ECEL1: variants seen among roughly 807,000 people sequenced by gnomAD.
ECEL1 encodes endothelin converting enzyme like 1.
A neutral mutation model predicts 101.8 loss-of-function variants in ECEL1; 87 were observed. The ratio of observed to expected loss-of-function variants is 0.85; its 90% CI spans 0.72 to 1.02. ECEL1 has a LOEUF of 1.02. ECEL1 is among the 50% of genes least tolerant of loss of function. ECEL1 has a pLI of 0.00. For missense variants in ECEL1, 1,032 were observed against 1,079.2 expected (o/e 0.96, Z 0.61); for synonymous variants, 487 against 468.7 (o/e 1.04, Z -0.50).
rs368507400 is a variant in ECEL1 at position 232,481,838 on chromosome 2, T to C, written c.1808A>G (p.Tyr603Cys). ...TCCAATGATGGTGCCGATGCCCCCGTAGTTGAGAGACCTGGGCCCACAGCA... is the reference window on the plus strand; with the variant it reads ...TCCAATGATGGTGCCGATGCCCCCGCAGTTGAGAGACCTGGGCCCACAGCA... ...YDPDFPQSLN[Y>C]GGIGTIIGHE... The change falls in exon 13 of 18, where the codon TAC becomes TGC. Residue 603 changes from tyrosine to cysteine, a missense_variant. Tyr to Cys is a radical substitution (Grantham distance 194). Coordinates refer to ENST00000304546, the MANE Select transcript of ECEL1 (RefSeq NM_004826.4). The C allele has an allele frequency of 1.2e-6, 2 of 1,613,736 alleles. No homozygotes were observed. Among genetic ancestry groups the C allele is most frequent in the African/African-American group, 2.7e-5 (2 of 74,918 alleles).
Position 232,480,082 on chromosome 2 carries a change from T to A in ECEL1, c.*71A>T. The A allele has an allele frequency of 6.7e-7, 1 of 1,483,584 alleles. No homozygotes were observed. The highest frequency in any genetic ancestry group is 9.3e-7 in the Non-Finnish European group (1 of 1,072,172). The allele number at this position is 1,483,584 out of a possible 1,614,324, so 91.9% of individuals were successfully genotyped here. Reference sequence around the variant, plus strand: ...CAGAGCGGGGCTGGCACCGGGTGCATGCCTGCCCCGGTAGCCAGCAGGAGG... The same window carrying A: ...CAGAGCGGGGCTGGCACCGGGTGCAAGCCTGCCCCGGTAGCCAGCAGGAGG... On this transcript the variant is annotated 3_prime_UTR_variant, in exon 18 of 18. Transcript: ENST00000304546.
At chr2:232,481,880 G>C (rs367604672) in intron 12 of ECEL1, 31 bp from the exon 13 acceptor site, 7 of 1,612,754 alleles carry the variant, frequency 4.3e-6, no homozygotes, top group African/African-American at 1.3e-5. Flanking sequence ...TCAGGCCCTA[G>C]CCCTCCACCC....
rs745360606 is a variant in ECEL1, at chr2:232,481,789, G to A, written c.1857C>T (p.Asp619=). ...IIGHELTHGY[D]DWGGQYDRSG... is the part of the protein sequence containing the mutation. Reference sequence around the variant, plus strand: ...GGCCCCAACAGGCCTCACCCCAGTCGTCGTAGCCGTGGGTCAGCTCATGTC... The same window carrying A: ...GGCCCCAACAGGCCTCACCCCAGTCATCGTAGCCGTGGGTCAGCTCATGTC... Residue 619 remains aspartate, a synonymous_variant, in exon 13 of 18, where the codon GAC becomes GAT. Transcript: ENST00000304546. 8.1e-6 allele frequency: 13 copies of A among 1,613,728 alleles called. No homozygotes were observed. In the East Asian group the frequency reaches 8.9e-5, roughly 11 times the overall value.
chr2:232,485,546 G>C (rs755530212), intron 2 of ECEL1, among the ~76,000 whole-genome samples: 4 of 152,192 alleles, frequency 2.6e-5, no homozygotes, highest in Admixed American at 6.5e-5. Flanking sequence ...GGGACCCCTA[G>C]CTTTGGGGCC....
rs750242008 is a variant in ECEL1 at position 232,484,457 on chromosome 2, G to C, written c.1184+15C>G. The C allele has an allele frequency of 2.5e-6, 4 of 1,612,682 alleles. No individual in the cohort carries two copies. The highest frequency in any genetic ancestry group is 3.4e-6 in the Non-Finnish European group (4 of 1,179,168). ...AGTGACCGCTGGGCAGAAAATGCCAGATCTGCAGCCATACCGGTGGGGTGT... is the reference window on the plus strand; with the variant it reads ...AGTGACCGCTGGGCAGAAAATGCCACATCTGCAGCCATACCGGTGGGGTGT... On this transcript the variant is annotated intron_variant, in intron 6 of 17. Coordinates refer to ENST00000304546, the MANE Select transcript of ECEL1 (RefSeq NM_004826.4).
At chr2:232,484,337 C>T in intron 6 of ECEL1, 114 bp from the exon 7 acceptor site, 1 of 1,561,088 alleles carries the variant, frequency 6.4e-7, no homozygotes, top group Non-Finnish European at 8.7e-7. Context: ...CCCAGACAGC[C>T]CCACAAAGAA....
chr2:232,484,209 T>G lies in ECEL1; in HGVS notation c.1199A>C (p.Tyr400Ser). ...RSTPHRVLHN[Y>S]LVWRVVVVLS... ...GACCACCACCACGCGCCACACCAGGTAGTTGTGCAGGACCCTGGGGACCAG... is the reference window on the plus strand; with the variant it reads ...GACCACCACCACGCGCCACACCAGGGAGTTGTGCAGGACCCTGGGGACCAG... Residue 400 changes from tyrosine (Y) to serine (S), a missense_variant, in exon 7 of 18, where the codon TAC becomes TCC. By Grantham distance (144) the Tyr-to-Ser change is moderately radical. Coordinates refer to ENST00000304546, the MANE Select transcript of ECEL1 (RefSeq NM_004826.4). The G allele has an allele frequency of 6.2e-7, 1 of 1,611,840 alleles. No individual in the cohort carries two copies.
chr2:232,480,077 G>T lies in ECEL1; in HGVS notation c.*76C>A, dbSNP rs535541852. The T allele has an allele frequency of 2.0e-6, 3 of 1,464,736 alleles. No homozygotes were observed. The highest frequency in any genetic ancestry group is 2.8e-6 in the Non-Finnish European group (3 of 1,056,440). 90.7% of individuals were successfully genotyped at this position (1,464,736 alleles called of 1,614,324 possible). ...GTGCCCAGAGCGGGGCTGGCACCGG[G>T]TGCATGCCTGCCCCGGTAGCCAGCA... is the stretch of plus-strand genomic sequence containing the variant. On this transcript the variant is annotated 3_prime_UTR_variant, in exon 18 of 18. Transcript: ENST00000304546.
intron 7 of ECEL1, 148 bp from the exon 8 acceptor site, chr2:232,483,662 C>T: frequency 1.4e-6 from 1 of 700,322 alleles, no homozygotes; most frequent in Non-Finnish European, 2.3e-6. Context: ...AGGTGAGGAT[C>T]CAGGCCCTGC....
In ECEL1 at chr2:232,480,726, A is replaced by G. The variant is rs764189195; in HGVS notation, c.2143T>C (p.Phe715Leu). The change falls in exon 16 of 18, where the codon TTT becomes CTT. Residue 715 changes from phenylalanine to leucine, a missense_variant. Phe to Leu is a conservative substitution (Grantham distance 22). Coordinates refer to ENST00000304546, the MANE Select transcript of ECEL1 (RefSeq NM_004826.4). ...YTHDQLFFIAFAQNWCIKRRS... is the reference protein window; with the variant it reads ...YTHDQLFFIALAQNWCIKRRS... ...TCCCCCACCCAGCCCACCTGGGCAA[A>G]GGCAATGAAGAAGAGCTGGTCATGT... is the stretch of plus-strand genomic sequence containing the variant. 1 of 1,614,084 alleles carries G rather than the reference A, an allele frequency of 6.2e-7. No individual in the cohort carries two copies. Among genetic ancestry groups the G allele is most frequent in the Admixed American group, 1.7e-5 (1 of 60,020 alleles).
At position 232,486,394 on chromosome 2, in the gene ECEL1, G is replaced by A. The variant is rs1298500213; in HGVS notation, c.260C>T (p.Pro87Leu). 2.0e-6 allele frequency: 3 copies of A among 1,478,262 alleles called. No individual in the cohort carries two copies. Among genetic ancestry groups the A allele is most frequent in the South Asian group, 2.6e-5 (2 of 76,364 alleles). The allele number at this position is 1,478,262 out of a possible 1,614,324, so 91.6% of individuals were successfully genotyped here. Residue 87 changes from proline (P) to leucine (L), a missense_variant, in exon 2 of 18, where the codon CCG (proline) becomes CTG (leucine). Transcript: ENST00000304546. ...AAMLALKYLG[P>L]VAAGGGACPE... ...ACAGGCGCCGCCGCCGGCCGCGACC[G>A]GGCCCAGGTACTTGAGGGCCAGCAT...
rs1173849911 is a variant in ECEL1, at chr2:232,486,786, C to T, written c.-101-32G>A. Reference sequence around the variant, plus strand: ...GAAGGGCGGAAGCAGGCTCAGGAGGCGCCGCAGCCGGATGGGGCTCAGGGT... The same window carrying T: ...GAAGGGCGGAAGCAGGCTCAGGAGGTGCCGCAGCCGGATGGGGCTCAGGGT... On this transcript the variant is annotated intron_variant, in intron 1 of 17. Coordinates refer to ENST00000304546, the MANE Select transcript of ECEL1 (RefSeq NM_004826.4). 11 of 1,021,490 alleles carry T rather than the reference C, an allele frequency of 1.1e-5. No individual in the cohort carries two copies. In the Admixed American group the frequency reaches 1.8e-4, roughly 16 times the overall value. The allele number at this position is 1,021,490 out of a possible 1,614,324, so 63.3% of individuals were successfully genotyped here.
At chr2:232,483,948 G>A (rs996917527) in intron 7 of ECEL1, 53 bp downstream of exon 7, 1 of 1,539,904 alleles carries the variant, frequency 6.5e-7, no homozygotes, top group Non-Finnish European at 8.8e-7. Context: ...GCCTCGGGAG[G>A]GCTCCACCCT....
At chr2:232,484,954 G>A (rs1293182521) in intron 4 of ECEL1, 27 bp downstream of exon 4, 1 of 1,612,704 alleles carries the variant, frequency 6.2e-7, no homozygotes, top group African/African-American at 1.3e-5. Context: ...TCAAGCCCAG[G>A]GCAGCCTCCA....
chr2:232,481,778 T>C lies in ECEL1; in HGVS notation c.1864+4A>G, dbSNP rs1316142390. On this transcript the variant is annotated splice_donor_region_variant and intron_variant, in intron 13 of 17. Coordinates refer to ENST00000304546, the MANE Select transcript of ECEL1 (RefSeq NM_004826.4). ...CCATCCCCTGGGGCCCCAACAGGCC[T>C]CACCCCAGTCGTCGTAGCCGTGGGT... The C allele has an allele frequency of 6.2e-7, 1 of 1,609,916 alleles. No individual in the cohort carries two copies. Among genetic ancestry groups the C allele is most frequent in the Non-Finnish European group, 8.5e-7 (1 of 1,178,528 alleles).
intron 7 of ECEL1, 65 bp downstream of exon 7, chr2:232,483,936 T>G: frequency 6.6e-7 from 1 of 1,516,550 alleles, no homozygotes; most frequent in Admixed American, 1.9e-5. Context: ...ATTAGGACCA[T>G]GGCCTCGGGA....
chr2:232,480,573 A>G, intron 16 of ECEL1, 98 bp from the exon 17 acceptor site: 1 of 1,529,582 alleles, frequency 6.5e-7, no homozygotes, highest in Non-Finnish European at 9.0e-7. Flanking sequence ...AGGCCCCCTC[A>G]GCACCACAGG....
Position 232,485,927 on chromosome 2 carries a change from C to T in ECEL1, c.727G>A (p.Ala243Thr), listed in dbSNP as rs1319472137. The T allele has an allele frequency of 6.3e-7, 1 of 1,575,796 alleles. No individual in the cohort carries two copies. Among genetic ancestry groups the T allele is most frequent in the Non-Finnish European group, 8.6e-7 (1 of 1,163,180 alleles). The change falls in exon 2 of 18, where the codon GCG (alanine) becomes ACG (threonine). Residue 243 changes from alanine (A) to threonine (T), a missense_variant. By Grantham distance (58) the Ala-to-Thr change is moderately conservative. Coordinates refer to ENST00000304546, the MANE Select transcript of ECEL1 (RefSeq NM_004826.4). The part of the protein sequence containing the change: ...YKAQGVYSAA[A>T]LFSLTVSLDD... ...AGGCTGACCGTGAGCGAGAAGAGCG[C>T]GGCGGCGCTGTACACGCCCTGCGCC...
rs1160344531 is a variant in ECEL1 at position 232,484,605 on chromosome 2, C to T, written c.1060-9G>A. The T allele has an allele frequency of 6.2e-7, 1 of 1,613,662 alleles. No homozygotes were observed. Among genetic ancestry groups the T allele is most frequent in the African/African-American group, 1.3e-5 (1 of 74,904 alleles). ...AGCCACTTCCACCGCAACTGTGAGA[C>T]CAAGGACAGGGACAGTGAGGCTAGG... On this transcript the variant is annotated splice_polypyrimidine_tract_variant and intron_variant, in intron 5 of 17. Coordinates refer to ENST00000304546, the MANE Select transcript of ECEL1 (RefSeq NM_004826.4).
Sources: gnomAD v4.1 joint callset for allele counts (sites outside exome capture counted in the v4.1 genomes callset) on GRCh38, gnomAD v4.1.1 for gene constraint, MANE v1.5 for transcripts, NCBI Gene and HGNC (gene_info 2026-07-23, HGNC 2026-07-21) for gene names.